DIAPH1: variants seen among roughly 807,000 people sequenced by gnomAD.
DIAPH1 encodes protein diaphanous homolog 1.
Under a neutral mutation model 140.7 loss-of-function variants are expected in DIAPH1, and 46 were observed. The observed-to-expected ratio is 0.33, with a 90% CI of 0.26 to 0.42. The LOEUF (loss-of-function observed/expected upper bound fraction) is 0.42, where lower values mean the gene tolerates loss of function less well. Ranked by LOEUF, DIAPH1 falls within the 10% of genes least tolerant of loss-of-function variation. The pLI is 1.00. For missense variants in DIAPH1, 1,310 were observed against 1,558.7 expected, an observed-to-expected ratio of 0.84 and a Z score of 2.69; for synonymous variants, 565 against 551.6, an observed-to-expected ratio of 1.02 and a Z score of -0.34.
Position 141,612,766 on chromosome 5 carries a change from T to C in DIAPH1, c.117+6032A>G, listed in dbSNP as rs1355574705. Among the ~76,000 whole-genome samples, 3 of 152,204 alleles carry C rather than the reference T, an allele frequency of 2.0e-5. No homozygotes were observed. In the East Asian group the frequency reaches 5.8e-4, roughly 29 times the overall value. On this transcript the variant is annotated intron_variant, in intron 1 of 27. Coordinates refer to ENST00000389054, the MANE Select transcript of DIAPH1 (RefSeq NM_005219.5). ...TGCAGTTTATTGTATTTTAATTATA[T>C]ATCAATAATGCTGTAAAAATAGAGA...
chr5:141,530,317 C>G (rs1403254256), intron 19 of DIAPH1, among the ~76,000 whole-genome samples: 1 of 152,192 alleles, frequency 6.6e-6, no homozygotes, highest in African/African-American at 2.4e-5. Context: ...CAGTTCCACT[C>G]TGCCTTTCCT....
intron 24 of DIAPH1, among the ~76,000 whole-genome samples, chr5:141,527,322 G>C (rs757178278): frequency 6.6e-6 from 1 of 152,240 alleles, no homozygotes; most frequent in East Asian, 1.9e-4. Context: ...GGCTGAGGGG[G>C]TAAGGATCGT....
chr5:141,543,553 G>T (rs1353375243), intron 18 of DIAPH1, among the ~76,000 whole-genome samples: 1 of 152,148 alleles, frequency 6.6e-6, no homozygotes, highest in Non-Finnish European at 1.5e-5. Context: ...AGTAGAAATT[G>T]TACTTCAAAT....
intron 18 of DIAPH1, among the ~76,000 whole-genome samples, chr5:141,567,524 T>C (rs1364351087): frequency 6.6e-6 from 1 of 152,228 alleles, no homozygotes; most frequent in African/African-American, 2.4e-5. Flanking sequence ...CTAGTACCTC[T>C]AGTCCTAATC....
At chr5:141,588,473 G>GAAAAA (rs368869644) in intron 1 of DIAPH1, among the ~76,000 whole-genome samples, 1 of 86,636 alleles carries the variant, frequency 1.2e-5, no homozygotes, top group Non-Finnish European at 2.5e-5. Flanking sequence ...TCTTAAAAAG[G>GAAAAA]AAAAAAAAAA....
At chr5:141,552,004 T>A (rs948781040) in intron 18 of DIAPH1, among the ~76,000 whole-genome samples, 2 of 152,110 alleles carry the variant, frequency 1.3e-5, no homozygotes, top group Admixed American at 6.5e-5. Context: ...ATCCTGAAAA[T>A]TCCATGTGGT....
At chr5:141,559,591 C>T (rs1455179706) in intron 18 of DIAPH1, among the ~76,000 whole-genome samples, 2 of 152,160 alleles carry the variant, frequency 1.3e-5, no homozygotes, top group East Asian at 1.9e-4. Flanking sequence ...AAAATCTGGG[C>T]ACTTCACCAA....
At chr5:141,556,975 G>C (rs1017234660) in intron 18 of DIAPH1, among the ~76,000 whole-genome samples, 1 of 152,168 alleles carries the variant, frequency 6.6e-6, no homozygotes, top group Non-Finnish European at 1.5e-5. Context: ...GATTACAGGC[G>C]TGAGTCACCG....
At chr5:141,550,088 T>C (rs1383297982) in intron 18 of DIAPH1, among the ~76,000 whole-genome samples, 2 of 151,984 alleles carry the variant, frequency 1.3e-5, no homozygotes, top group East Asian at 1.9e-4. Context: ...CAGACGAAAA[T>C]AGTCTTTAAG....
intron 18 of DIAPH1, among the ~76,000 whole-genome samples, chr5:141,551,134 C>T (rs1192069363): frequency 6.6e-6 from 1 of 152,036 alleles, no homozygotes. Flanking sequence ...ACAACTGTAC[C>T]GCATTTATGG....
chr5:141,595,263 T>C (rs564780045), intron 1 of DIAPH1, among the ~76,000 whole-genome samples: 23 of 152,304 alleles, frequency 1.5e-4, no homozygotes, highest in African/African-American at 5.3e-4. Context: ...GATGGATATA[T>C]GTCATTCATG....
chr5:141,532,970 C>G (rs1010490555), intron 19 of DIAPH1, among the ~76,000 whole-genome samples: 1 of 152,184 alleles, frequency 6.6e-6, no homozygotes, highest in Non-Finnish European at 1.5e-5. Flanking sequence ...ACCACAGACA[C>G]TATGTAGTAA....
At chr5:141,540,368 C>T (rs2099889785) in intron 18 of DIAPH1, among the ~76,000 whole-genome samples, 1 of 151,946 alleles carries the variant, frequency 6.6e-6, no homozygotes, top group African/African-American at 2.4e-5. Flanking sequence ...CTGCAACCTA[C>T]GCCTCCCGGG....
intron 8 of DIAPH1, among the ~76,000 whole-genome samples, 185 bp downstream of exon 8, chr5:141,580,559 G>C (rs2099896599): frequency 6.6e-6 from 1 of 152,114 alleles, no homozygotes; most frequent in Admixed American, 6.5e-5. Context: ...GAACATTCAG[G>C]ATAGCACCCA....
chr5:141,522,572 C>T (rs1277275985), intron 27 of DIAPH1, among the ~76,000 whole-genome samples: 1 of 99,148 alleles, frequency 1.0e-5, no homozygotes, highest in African/African-American at 4.1e-5. Context: ...ACTTAGCCGA[C>T]GGGGTCAAAA....
At chr5:141,600,813 T>C (rs2099900029) in intron 1 of DIAPH1, among the ~76,000 whole-genome samples, 1 of 152,196 alleles carries the variant, frequency 6.6e-6, no homozygotes, top group African/African-American at 2.4e-5. Context: ...CTATTCCTTG[T>C]CTATAAATCA....
At chr5:141,526,524 A>G (rs1235451502) in intron 24 of DIAPH1, 63 bp from the exon 25 acceptor site, 3 of 1,600,724 alleles carry the variant, frequency 1.9e-6, no homozygotes, top group Non-Finnish European at 8.6e-7. Flanking sequence ...CTCTAGCCCA[A>G]GGAATTACTC....
At chr5:141,610,146 T>G (rs1187561677) in intron 1 of DIAPH1, among the ~76,000 whole-genome samples, 2 of 152,170 alleles carry the variant, frequency 1.3e-5, no homozygotes, top group African/African-American at 4.8e-5. Flanking sequence ...TTTCTTTCTT[T>G]CTTTTTTTTC....
chr5:141,573,783 T>TG lies in DIAPH1; in HGVS notation c.2066dup (p.Pro690ThrfsTer85). ...CACTCCCAGGCAAAGGAGGTGGTGG[T>TG]GGGGGGATTCTAGCACTCCCAGGCA... On this transcript the variant is annotated frameshift_variant, in exon 16 of 28. Coordinates refer to ENST00000389054, the MANE Select transcript of DIAPH1 (RefSeq NM_005219.5). LOFTEE classifies it high-confidence loss of function. 1.2e-6 allele frequency: 1 copy of TG among 852,474 alleles called. No individual in the cohort carries two copies. Among genetic ancestry groups the TG allele is most frequent in the Non-Finnish European group, 1.5e-6 (1 of 683,968 alleles). 52.8% of individuals were successfully genotyped at this position (852,474 alleles called of 1,614,324 possible).
Sources: gnomAD v4.1 joint callset for allele counts (sites outside exome capture counted in the v4.1 genomes callset) on GRCh38, gnomAD v4.1.1 for gene constraint, MANE v1.5 for transcripts, NCBI Gene and HGNC (gene_info 2026-07-23, HGNC 2026-07-21) for gene names.